The following DNAH6 variants were observed in gnomAD, a reference collection of about 807,000 sequenced individuals.
The protein encoded by DNAH6 is axonemal beta dynein heavy chain 6.
DNAH6 carries 340 observed loss-of-function variants against 491.4 expected under a neutral mutation model. The ratio of observed to expected loss-of-function variants is 0.69; its 90% CI spans 0.63 to 0.76. The LOEUF is 0.76. DNAH6 is among the 30% of genes least tolerant of loss of function. The pLI is 0.00. For missense variants in DNAH6, 4,443 were observed against 4,972.2 expected, an observed-to-expected ratio of 0.89 and a Z score of 3.20; for synonymous variants, 1,603 against 1,686.1, an observed-to-expected ratio of 0.95 and a Z score of 1.21.
At chr2:84,573,236 A>G (rs1682069843) in intron 11 of DNAH6, among the ~76,000 whole-genome samples, 1 of 152,240 alleles carries the variant, frequency 6.6e-6, no homozygotes, top group Non-Finnish European at 1.5e-5. Context: ...TAATTCTTCA[A>G]AAGTCAGGTT....
chr2:84,685,504 T>A (rs1471610861), intron 43 of DNAH6, 32 bp downstream of exon 43: 1 of 1,339,694 alleles, frequency 7.5e-7, no homozygotes, highest in Non-Finnish European at 9.8e-7. Context: ...TTCTTTTTTT[T>A]ATTTGAGTAG....
intron 70 of DNAH6, among the ~76,000 whole-genome samples, chr2:84,801,985 A>C (rs1420631269): frequency 6.6e-6 from 1 of 152,120 alleles, no homozygotes; most frequent in Admixed American, 6.6e-5. Context: ...AAAACAAATA[A>C]AATCTTTCCC....
At chr2:84,764,882 G>C (rs1336010661) in intron 64 of DNAH6, among the ~76,000 whole-genome samples, 1 of 151,890 alleles carries the variant, frequency 6.6e-6, no homozygotes, top group African/African-American at 2.4e-5. Flanking sequence ...ATAGTGTCAA[G>C]AACATTTACA....
At position 84,779,034 on chromosome 2, in the gene DNAH6, A is replaced by G. The variant is rs567603711; in HGVS notation, c.10704-2459A>G. On this transcript the variant is annotated intron_variant, in intron 64 of 76. Coordinates refer to ENST00000389394, the MANE Select transcript of DNAH6 (RefSeq NM_001370.2). The stretch of plus-strand genomic sequence containing the variant: ...CTTGGTATGATTTTGATCTTTTTGC[A>G]TCTATCAAATCTATTATGGTTGAGC... Among the ~76,000 whole-genome samples, 9 of 152,218 alleles carry G rather than the reference A, an allele frequency of 5.9e-5. No homozygotes were observed. In the East Asian group the frequency reaches 1.5e-3, roughly 26 times the overall value.
At chr2:84,672,817 C>A (rs1434373665) in intron 40 of DNAH6, among the ~76,000 whole-genome samples, 1 of 152,182 alleles carries the variant, frequency 6.6e-6, no homozygotes, top group East Asian at 1.9e-4. Flanking sequence ...TTTGGACTAT[C>A]TCCAAATACA....
intron 68 of DNAH6, among the ~76,000 whole-genome samples, chr2:84,789,375 C>A (rs1253864099): frequency 6.6e-6 from 1 of 152,174 alleles, no homozygotes; most frequent in African/African-American, 2.4e-5. Context: ...CTCTTACATC[C>A]AGATCAGAGG....
chr2:84,689,047 A>G (rs879476054), intron 45 of DNAH6, among the ~76,000 whole-genome samples: 2 of 152,230 alleles, frequency 1.3e-5, no homozygotes, highest in Non-Finnish European at 2.9e-5. Flanking sequence ...TGACACATTC[A>G]TGAGCATCCA....
chr2:84,665,234 G>A (rs7607925), intron 37 of DNAH6, among the ~76,000 whole-genome samples: 87 of 151,656 alleles, frequency 5.7e-4, no homozygotes, highest in African/African-American at 1.9e-3. Flanking sequence ...CAGAAGGCAA[G>A]AAATAACTAA....
chr2:84,482,066 T>G, the DNAH6 span, among the ~76,000 whole-genome samples: 1 of 152,176 alleles, frequency 6.6e-6, no homozygotes, highest in Admixed American at 6.5e-5. Context: ...CTGCCTCTCC[T>G]GTGACATAGC....
At chr2:84,818,523 A>T (rs1267923855) in intron 76 of DNAH6, among the ~76,000 whole-genome samples, 1 of 151,212 alleles carries the variant, frequency 6.6e-6, no homozygotes, top group Non-Finnish European at 1.5e-5. Context: ...AGGGAAAAAA[A>T]ACCTCAAACC....
chr2:84,814,561 T>C (rs115594458), intron 75 of DNAH6, among the ~76,000 whole-genome samples: 3,046 of 152,248 alleles, frequency 0.02, 54 homozygotes, highest in Non-Finnish European at 0.034. Context: ...AACTTTCCCA[T>C]GTCAGGAAAA....
chr2:84,608,917 C>G (rs1303326875), intron 21 of DNAH6, among the ~76,000 whole-genome samples: 1 of 152,182 alleles, frequency 6.6e-6, no homozygotes, highest in Non-Finnish European at 1.5e-5. Flanking sequence ...GAGTAGCCAC[C>G]TTCATCAATG....
chr2:84,506,188 G>A, the DNAH6 span, among the ~76,000 whole-genome samples: 1 of 152,108 alleles, frequency 6.6e-6, no homozygotes. Flanking sequence ...GTGTAAAAGT[G>A]TTCAAGTGTT....
intron 70 of DNAH6, among the ~76,000 whole-genome samples, chr2:84,799,585 C>T (rs1678686101): frequency 6.6e-6 from 1 of 152,244 alleles, no homozygotes; most frequent in African/African-American, 2.4e-5. Flanking sequence ...CACCTTTGAA[C>T]AACTGCATCA....
At chr2:84,697,068 C>T (rs1023046571) in intron 46 of DNAH6, among the ~76,000 whole-genome samples, 14 of 152,096 alleles carry the variant, frequency 9.2e-5, no homozygotes, top group Non-Finnish European at 1.3e-4. Flanking sequence ...CTTCAAAATC[C>T]AGAAAATATT....
chr2:84,673,131 C>T (rs547755031), intron 40 of DNAH6, among the ~76,000 whole-genome samples: 25 of 152,190 alleles, frequency 1.6e-4, no homozygotes, highest in Admixed American at 1.1e-3. Context: ...GTGATGGATT[C>T]TGAAGGCATG....
intron 62 of DNAH6, among the ~76,000 whole-genome samples, 163 bp downstream of exon 62, chr2:84,733,742 C>T (rs1699300153): frequency 1.3e-5 from 2 of 152,048 alleles, no homozygotes; most frequent in Admixed American, 6.5e-5. Context: ...TTTCTTGAGT[C>T]GAATGCTTGG....
intron 37 of DNAH6, among the ~76,000 whole-genome samples, chr2:84,666,616 A>C (rs570328900): frequency 1.3e-5 from 2 of 152,280 alleles, no homozygotes; most frequent in South Asian, 4.1e-4. Flanking sequence ...CACAAATGGA[A>C]GAACATTCCA....
rs1414815805 is a variant in DNAH6, at chr2:84,649,370, A to G, written c.5079-3949A>G. 3.3e-5 allele frequency among the ~76,000 whole-genome samples: 5 copies of G among 152,124 alleles called. No homozygotes were observed. In the East Asian group the frequency reaches 9.6e-4, roughly 29 times the overall value. ...TAGGAGCTCATATTTTCATTTTATC[A>G]TGTTCTTTCTTCCTTTCTGATGCTC... On this transcript the variant is annotated intron_variant, in intron 33 of 76. Transcript: ENST00000389394.
Sources: gnomAD v4.1 joint callset for allele counts (sites outside exome capture counted in the v4.1 genomes callset) on GRCh38, gnomAD v4.1.1 for gene constraint, MANE v1.5 for transcripts, NCBI Gene and HGNC (gene_info 2026-07-23, HGNC 2026-07-21) for gene names.